TUBG2: variants seen among roughly 807,000 people sequenced by gnomAD.
TUBG2 encodes tubulin gamma-2 chain.
Under a neutral mutation model 55.1 loss-of-function variants are expected in TUBG2, and 39 were observed. The ratio of observed to expected loss-of-function variants is 0.71; its 90% CI spans 0.55 to 0.93. The LOEUF (loss-of-function observed/expected upper bound fraction) is 0.93. TUBG2 is among the 40% of genes least tolerant of loss of function. The probability of loss-of-function intolerance (pLI) is 0.00; values close to 1 mark genes in which losing one functional copy is unlikely to be tolerated. For synonymous variants in TUBG2, 223 were observed against 241.0 expected (o/e 0.93, Z 0.69); for missense variants, 358 against 599.1 (o/e 0.60, Z 4.20).
chr17:42,662,202 G>A (rs1162026721), intron 4 of TUBG2, among the ~76,000 whole-genome samples: 2 of 151,998 alleles, frequency 1.3e-5, no homozygotes, highest in African/African-American at 4.8e-5. Context: ...CTACTTGGAG[G>A]CTGAGATAGG....
rs775683312 is a variant in TUBG2 at position 42,659,844 on chromosome 17, G to A, written c.60G>A (p.Glu20=). 63 of 1,614,160 alleles carry A rather than the reference G, an allele frequency of 3.9e-5. No individual in the cohort carries two copies. In the East Asian group the frequency reaches 1.4e-3, roughly 36 times the overall value. ...TCCCCCCTCCCCCAGTTGGGTTCGA[G>A]TTCTGGAAACAGCTGTGCGCCGAGC... ...LGQCGNQIGF[E]FWKQLCAEHG... is the part of the protein sequence containing the mutation. The change falls in exon 2 of 11, where the codon GAG becomes GAA. Residue 20 remains glutamate, a synonymous_variant. Transcript: ENST00000251412.
At position 42,659,562 on chromosome 17, in the gene TUBG2, C is replaced by T; in HGVS notation, c.49+10C>T. The T allele has an allele frequency of 6.5e-7, 1 of 1,529,872 alleles. No individual in the cohort carries two copies. The highest frequency in any genetic ancestry group is 8.8e-7 in the Non-Finnish European group (1 of 1,137,414). The allele number at this position is 1,529,872 out of a possible 1,614,324, so 94.8% of individuals were successfully genotyped here. ...CAGTGCGGCAACCAGAGTGAGCAAG[C>T]GAGCGCCGGCCCCGCCGGTCTCTGG... On this transcript the variant is annotated intron_variant, in intron 1 of 10. Transcript: ENST00000251412.
At position 42,659,565 on chromosome 17, in the gene TUBG2, GCGCCGGCCCCGC is replaced by G. The variant is rs555683146; in HGVS notation, c.49+16_49+27del. On this transcript the variant is annotated intron_variant, in intron 1 of 10. Coordinates refer to ENST00000251412, the MANE Select transcript of TUBG2 (RefSeq NM_016437.3). The stretch of plus-strand genomic sequence containing the variant: ...TGCGGCAACCAGAGTGAGCAAGCGA[GCGCCGGCCCCGC>G]CGGTCTCTGGTTCTGCCCCTTCGGG... The G allele has an allele frequency of 7.3e-4, 1,108 of 1,527,424 alleles. 8 individuals carry two copies. In the African/African-American group the frequency reaches 0.014, roughly 19 times the overall value. The allele number at this position is 1,527,424 out of a possible 1,614,324, so 94.6% of individuals were successfully genotyped here.
Position 42,665,618 on chromosome 17 carries a change from A to T in TUBG2, c.693+56A>T, listed in dbSNP as rs73983741. On this transcript the variant is annotated intron_variant, in intron 7 of 10. Transcript: ENST00000251412. ...TGGAAGCCCTCCTTGCTGGAGGGTCATCTGGGGAAGGAAGGTCCCACCCAG... is the reference window on the plus strand; with the variant it reads ...TGGAAGCCCTCCTTGCTGGAGGGTCTTCTGGGGAAGGAAGGTCCCACCCAG... The T allele has an allele frequency of 6.3e-3, 10,161 of 1,614,060 alleles. 328 individuals are homozygous for T. The African/African-American group carries it at 0.088, about 14-fold the overall frequency.
Position 42,665,810 on chromosome 17 carries a change from C to T in TUBG2, c.826C>T (p.Leu276Phe), listed in dbSNP as rs1257924679. 1 of 1,614,128 alleles carries T rather than the reference C, an allele frequency of 6.2e-7. No individual in the cohort carries two copies. The highest frequency in any genetic ancestry group is 8.5e-7 in the Non-Finnish European group (1 of 1,180,040). ...LHFLMTGYTPLTTDQSVASVR... is the reference protein window; with the variant it reads ...LHFLMTGYTPFTTDQSVASVR... The stretch of plus-strand genomic sequence containing the variant: ...CTTCCTCATGACCGGCTACACCCCG[C>T]TCACTACAGACCAGTCAGTAAGAGC... The change falls in exon 8 of 11, where the codon CTC (leucine) becomes TTC (phenylalanine). Residue 276 changes from leucine (L) to phenylalanine (F), a missense_variant. Coordinates refer to ENST00000251412, the MANE Select transcript of TUBG2 (RefSeq NM_016437.3).
At chr17:42,665,607 G>A (rs748995043) in intron 7 of TUBG2, 45 bp downstream of exon 7, 11 of 1,614,008 alleles carry the variant, frequency 6.8e-6, no homozygotes, top group Non-Finnish European at 9.3e-6. Context: ...AGCCCTCCTT[G>A]CTGGAGGGTC....
At chr17:42,659,656 C>T (rs1015207032) in intron 1 of TUBG2, 104 bp downstream of exon 1, 15 of 1,393,338 alleles carry the variant, frequency 1.1e-5, no homozygotes, top group Admixed American at 7.4e-5. Flanking sequence ...CATGAACCCC[C>T]TGCCCTGCTG....
At position 42,659,423 on chromosome 17, in the gene TUBG2, C is replaced by T; in HGVS notation, c.-81C>T. The T allele has an allele frequency of 1.4e-6, 2 of 1,447,772 alleles. No individual in the cohort carries two copies. The highest frequency in any genetic ancestry group is 1.9e-6 in the Non-Finnish European group (2 of 1,074,312). The allele number at this position is 1,447,772 out of a possible 1,614,324, so 89.7% of individuals were successfully genotyped here. A position where few individuals can be genotyped will look rare whatever the true frequency, so the allele number is the denominator to read the frequency against. ...CGAAGAGAGCGCGCGCTCCCCACGT[C>T]CTGCGCTCCTGGCTGCCGGGCATTC... On this transcript the variant is annotated 5_prime_UTR_variant, in exon 1 of 11. Transcript: ENST00000251412.
At position 42,665,544 on chromosome 17, in the gene TUBG2, C is replaced by T. The variant is rs1378187431; in HGVS notation, c.675C>T (p.Phe225=). ...TDRLHIQNPS[F]SQINQLVSTI... ...GCCTGCACATCCAGAACCCGTCCTT[C>T]TCCCAGATCAACCAGCTGGTGGGCC... The change falls in exon 7 of 11, where the codon TTC becomes TTT. Residue 225 remains phenylalanine (F), a synonymous_variant. Transcript: ENST00000251412. 6.2e-7 allele frequency: 1 copy of T among 1,614,170 alleles called. No homozygotes were observed. Among genetic ancestry groups the T allele is most frequent in the Non-Finnish European group, 8.5e-7 (1 of 1,180,028 alleles).
chr17:42,662,823 A>C, intron 4 of TUBG2, 150 bp from the exon 5 acceptor site: 2 of 671,212 alleles, frequency 3.0e-6, no homozygotes, highest in South Asian at 4.2e-5. Flanking sequence ...TCCAGAATTG[A>C]AGTGAATTAG....
intron 3 of TUBG2, 74 bp downstream of exon 3, chr17:42,660,390 T>C: frequency 6.3e-7 from 1 of 1,595,872 alleles, no homozygotes; most frequent in Non-Finnish European, 8.6e-7. Context: ...TACTAGGAAT[T>C]TGACCTGACT....
At chr17:42,663,192 A>AT in intron 5 of TUBG2, 140 bp downstream of exon 5, 2 of 1,251,864 alleles carry the variant, frequency 1.6e-6, no homozygotes, top group Non-Finnish European at 1.1e-6. Flanking sequence ...GTTGGAAGCT[A>AT]TTTTGGGGGG....
At chr17:42,663,719 G>A (rs950668115) in intron 6 of TUBG2, among the ~76,000 whole-genome samples, 2 of 152,080 alleles carry the variant, frequency 1.3e-5, no homozygotes, top group Non-Finnish European at 2.9e-5. Context: ...TGAGACGGGC[G>A]GATCACCTAT....
chr17:42,663,608 T>C lies in TUBG2; in HGVS notation c.606+105T>C. ...GGATTGCTTGAGCTCAGGAGTTCAATACTAGCCTGGGCAACATGTGAAACC... is the reference window on the plus strand; with the variant it reads ...GGATTGCTTGAGCTCAGGAGTTCAACACTAGCCTGGGCAACATGTGAAACC... On this transcript the variant is annotated intron_variant, in intron 6 of 10. Coordinates refer to ENST00000251412, the MANE Select transcript of TUBG2 (RefSeq NM_016437.3). 2.1e-6 allele frequency: 3 copies of C among 1,409,806 alleles called. No individual in the cohort carries two copies. In the Admixed American group the frequency reaches 6.3e-5, roughly 29 times the overall value. 87.3% of individuals were successfully genotyped at this position (1,409,806 alleles called of 1,614,324 possible). A position where few individuals can be genotyped will look rare whatever the true frequency, so the allele number is the denominator to read the frequency against.
At chr17:42,665,887 C>G (rs1166125615) in intron 8 of TUBG2, 60 bp downstream of exon 8, 1 of 1,608,662 alleles carries the variant, frequency 6.2e-7, no homozygotes, top group African/African-American at 1.3e-5. Context: ...GGCCCTGCCC[C>G]AGCCTTTCTC....
In TUBG2 at chr17:42,662,721, G is replaced by C. The variant is rs1015864865; in HGVS notation, c.400-252G>C. Among the ~76,000 whole-genome samples, 6 of 152,118 alleles carry C rather than the reference G, an allele frequency of 3.9e-5. 1 individual carries two copies. In the South Asian group the frequency reaches 1.2e-3, roughly 31 times the overall value. On this transcript the variant is annotated intron_variant, in intron 4 of 10. Transcript: ENST00000251412. ...AACCATTGTAATTCAGATGCTTCTTGATTTAAGATGGGATTATGTCCTGAT... is the reference window on the plus strand; with the variant it reads ...AACCATTGTAATTCAGATGCTTCTTCATTTAAGATGGGATTATGTCCTGAT...
chr17:42,659,288 C>A lies in TUBG2; in HGVS notation c.-216C>A. The A allele has an allele frequency of 1.9e-6, 1 of 525,018 alleles. No individual in the cohort carries two copies. Among genetic ancestry groups the A allele is most frequent in the South Asian group, 2.6e-5 (1 of 38,274 alleles). 32.5% of individuals were successfully genotyped at this position (525,018 alleles called of 1,614,324 possible). A position where few individuals can be genotyped will look rare whatever the true frequency, so the allele number is the denominator to read the frequency against. ...CTGACTCTGCGCCTGTGCGGAATTCCAGCTGCGACTGCTGAGGGAGAAAAT... is the reference window on the plus strand; with the variant it reads ...CTGACTCTGCGCCTGTGCGGAATTCAAGCTGCGACTGCTGAGGGAGAAAAT... On this transcript the variant is annotated 5_prime_UTR_variant, in exon 1 of 11. Transcript: ENST00000251412.
chr17:42,665,675 C>T lies in TUBG2; in HGVS notation c.694-3C>T. On this transcript the variant is annotated splice_region_variant and splice_polypyrimidine_tract_variant and intron_variant, in intron 7 of 10. Transcript: ENST00000251412. ...CCCCATGACATGGCACGCCTGTCCC[C>T]AGGTGTCCACCATCATGTCGGCCAG... 1 of 1,614,156 alleles carries T rather than the reference C, an allele frequency of 6.2e-7. No individual in the cohort carries two copies. The highest frequency in any genetic ancestry group is 8.5e-7 in the Non-Finnish European group (1 of 1,180,008).
intron 4 of TUBG2, chr17:42,660,941 C>T (rs996814682): frequency 2.2e-6 from 1 of 462,546 alleles, no homozygotes; most frequent in Non-Finnish European, 4.0e-6. Flanking sequence ...GCTTCTCCAG[C>T]TCCAAACCTT....
Sources: allele counts gnomAD v4.1 joint callset (sites outside exome capture counted in the v4.1 genomes callset), GRCh38; gene constraint gnomAD v4.1.1; transcripts MANE v1.5; gene names NCBI Gene and HGNC (gene_info 2026-07-23, HGNC 2026-07-21).